The following RLN1 variants were observed in gnomAD, a reference collection of about 807,000 sequenced individuals.
RLN1 encodes the protein prorelaxin H1.
A neutral mutation model predicts 7.2 loss-of-function variants in RLN1; 4 were observed. The ratio of observed to expected loss-of-function variants is 0.56; its 90% confidence interval spans 0.28 to 1.28. The LOEUF (loss-of-function observed/expected upper bound fraction) is 1.28. Among genes scored for constraint, RLN1 ranks in the 50% most tolerant of loss-of-function variants. The pLI, the probability that RLN1 is intolerant of heterozygous loss-of-function variation, is 0.11. For missense variants in RLN1, 293 were observed against 221.1 expected (o/e 1.32, Z -2.06); for synonymous variants, 105 against 86.0 (o/e 1.22, Z -1.22).
At chr9:5,335,647 A>C in intron 1 of RLN1, 50 bp from the exon 2 acceptor site, 1 of 1,143,182 alleles carries the variant, frequency 8.7e-7, no homozygotes. Context: ...CACGTCAAAG[A>C]GCATTCAGAA....
chr9:5,339,387 T>TA, intron 1 of RLN1, 149 bp downstream of exon 1: 1 of 567,566 alleles, frequency 1.8e-6, no homozygotes, highest in Non-Finnish European at 3.0e-6. Flanking sequence ...GCCCAAACTT[T>TA]AGGGACCAGC....
chr9:5,335,170 TG>T lies in RLN1; in HGVS notation c.*80del. On this transcript the variant is annotated 3_prime_UTR_variant, in exon 2 of 2. Transcript: ENST00000223862. ...AGATTTCTTATATTCTAATAATTAG[TG>T]GGACCTGACAGAAGCATCAGTGAAA... 2.7e-6 allele frequency: 2 copies of T among 741,510 alleles called. No individual in the cohort carries two copies. Among genetic ancestry groups the T allele is most frequent in the Non-Finnish European group, 4.3e-6 (2 of 465,136 alleles). The allele number at this position is 741,510 out of a possible 1,614,324, so 45.9% of individuals were successfully genotyped here. A position where few individuals can be genotyped will look rare whatever the true frequency, so the allele number is the denominator to read the frequency against.
At chr9:5,337,490 G>A (rs925032786) in intron 1 of RLN1, among the ~76,000 whole-genome samples, 6 of 151,954 alleles carry the variant, frequency 3.9e-5, no homozygotes, top group Non-Finnish European at 7.4e-5. Context: ...TACTGAAATA[G>A]ATCTCTGGTT....
chr9:5,337,276 G>C (rs945177092), intron 1 of RLN1, among the ~76,000 whole-genome samples: 1 of 152,020 alleles, frequency 6.6e-6, no homozygotes, highest in African/African-American at 2.4e-5. Context: ...CCAGTTAAAT[G>C]AATCAGCCAA....
chr9:5,335,319 A>G lies in RLN1; in HGVS notation c.490T>C (p.Tyr164His). ...CAACATTTCTCAAACAGTGCCACGTAGGGTCGTCTCTTTTTTTGAGAATGA... is the reference window on the plus strand; with the variant it reads ...CAACATTTCTCAAACAGTGCCACGTGGGGTCGTCTCTTTTTTTGAGAATGA... The part of the protein sequence containing the change: ...DTHSQKKRRP[Y>H]VALFEKCCLI... Residue 164 changes from tyrosine (Y) to histidine (H), a missense_variant, in exon 2 of 2, where the codon TAC (tyrosine) becomes CAC (histidine). Coordinates refer to ENST00000223862, the MANE Select transcript of RLN1 (RefSeq NM_006911.4). 1 of 1,611,736 alleles carries G rather than the reference A, an allele frequency of 6.2e-7. No homozygotes were observed. Among genetic ancestry groups the G allele is most frequent in the Non-Finnish European group, 8.5e-7 (1 of 1,179,368 alleles).
At chr9:5,336,884 C>T (rs1395535969) in intron 1 of RLN1, among the ~76,000 whole-genome samples, 2 of 151,920 alleles carry the variant, frequency 1.3e-5, no homozygotes, top group African/African-American at 2.4e-5. Context: ...ACCTAGACAG[C>T]GGTAGTTCTG....
At chr9:5,340,711 C>G (rs1463870650), upstream of RLN1, among the ~76,000 whole-genome samples, 1 of 151,714 alleles carries the variant, frequency 6.6e-6, no homozygotes, top group Non-Finnish European at 1.5e-5. Flanking sequence ...TTACCACCAC[C>G]TAATTTAGCA....
At chr9:5,340,535 AAGAG>A (rs1816970651), upstream of RLN1, among the ~76,000 whole-genome samples, 1 of 152,114 alleles carries the variant, frequency 6.6e-6, no homozygotes, top group Admixed American at 6.5e-5. Context: ...GAGAGAGAGA[AAGAG>A]AGAGAGAAAA....
Position 5,335,519 on chromosome 9 carries a change from T to G in RLN1, c.290A>C (p.Glu97Ala). The change falls in exon 2 of 2, where the codon GAG becomes GCG. Residue 97 changes from glutamate to alanine, a missense_variant. By Grantham distance (107) the Glu-to-Ala change is moderately radical. Coordinates refer to ENST00000223862, the MANE Select transcript of RLN1 (RefSeq NM_006911.4). ...CCTCTCAGATAGGGCTGCCTTCAGC[T>G]CCGGTGGCAAATTAGCAATGAATTC... ...MLEFIANLPP[E>A]LKAALSERQP... 1 of 1,613,254 alleles carries G rather than the reference T, an allele frequency of 6.2e-7. No homozygotes were observed. The highest frequency in any genetic ancestry group is 8.5e-7 in the Non-Finnish European group (1 of 1,179,436).
Position 5,335,597 on chromosome 9 carries a change from T to A in RLN1, c.212A>T (p.Glu71Val), listed in dbSNP as rs753669766. Reference protein sequence around the residue: ...DAPQTPRPVAEIVPSFINKDT... With the variant: ...DAPQTPRPVAVIVPSFINKDT... ...TTTGTTGATGAAGGATGGTACAATT[T>A]CTGTTAAGTTTAAAAAAAAAGTGTA... Residue 71 changes from glutamate to valine, a missense_variant and splice_region_variant, in exon 2 of 2, where the codon GAA becomes GTA. Glu to Val is a moderately radical substitution (Grantham distance 121, BLOSUM62 -2). Coordinates refer to ENST00000223862, the MANE Select transcript of RLN1 (RefSeq NM_006911.4). 6.3e-7 allele frequency: 1 copy of A among 1,588,258 alleles called. No homozygotes were observed. The highest frequency in any genetic ancestry group is 1.1e-5 in the South Asian group (1 of 88,198).
chr9:5,335,395 A>T lies in RLN1; in HGVS notation c.414T>A (p.Ser138Arg). ...EFKKLIRNRQ[S>R]EAADSNPSEL... ...CTGAAGGATTGCTGTCTGCGGCTTC[A>T]CTTTGCCTATTGCGAATAAGTTTCT... Residue 138 changes from serine (S) to arginine (R), a missense_variant, in exon 2 of 2, where the codon AGT (serine) becomes AGA (arginine). Ser to Arg is a moderately radical substitution (Grantham distance 110). Coordinates refer to ENST00000223862, the MANE Select transcript of RLN1 (RefSeq NM_006911.4). The T allele has an allele frequency of 6.2e-7, 1 of 1,613,740 alleles. No individual in the cohort carries two copies. The highest frequency in any genetic ancestry group is 8.5e-7 in the Non-Finnish European group (1 of 1,179,804).
intron 1 of RLN1, among the ~76,000 whole-genome samples, chr9:5,337,696 A>AT: frequency 6.6e-6 from 1 of 152,140 alleles, no homozygotes; most frequent in South Asian, 2.1e-4. Flanking sequence ...AACGGTAAAC[A>AT]TTTATCTTAA....
chr9:5,336,468 C>G (rs1447196898), intron 1 of RLN1, among the ~76,000 whole-genome samples: 4 of 151,992 alleles, frequency 2.6e-5, no homozygotes, highest in African/African-American at 9.7e-5. Context: ...GCTGGACACC[C>G]AGCTGACATC....
chr9:5,337,992 C>G (rs991060231), intron 1 of RLN1, among the ~76,000 whole-genome samples: 2 of 151,572 alleles, frequency 1.3e-5, no homozygotes, highest in African/African-American at 4.9e-5. Flanking sequence ...TGAGAAACTG[C>G]TCAAAGTATA....
intron 1 of RLN1, among the ~76,000 whole-genome samples, chr9:5,336,596 T>C (rs1816899133): frequency 6.6e-6 from 1 of 152,092 alleles, no homozygotes; most frequent in South Asian, 2.1e-4. Flanking sequence ...GTCAAAAAAC[T>C]TACAGTGAGC....
chr9:5,339,520 G>A lies in RLN1; in HGVS notation c.211+16C>T, dbSNP rs1482462397. 6 of 1,523,534 alleles carry A rather than the reference G, an allele frequency of 3.9e-6. No individual in the cohort carries two copies. The highest frequency in any genetic ancestry group is 5.3e-6 in the Non-Finnish European group (6 of 1,129,708). 94.4% of individuals were successfully genotyped at this position (1,523,534 alleles called of 1,614,324 possible). ...TGGGAAGCGCGGGAAGGCCGGGAGG[G>A]GGCGGGAGCTCTCACCTGCCACTGG... On this transcript the variant is annotated intron_variant, in intron 1 of 1. Transcript: ENST00000223862.
intron 1 of RLN1, among the ~76,000 whole-genome samples, chr9:5,337,738 C>T (rs1369734115): frequency 6.6e-6 from 1 of 151,960 alleles, no homozygotes; most frequent in Non-Finnish European, 1.5e-5. Context: ...TCTGAGGTTA[C>T]TTTCAGTTAA....
chr9:5,335,252 C>T lies in RLN1; in HGVS notation c.557G>A (p.Ter186=), dbSNP rs749530743. 6 of 1,573,540 alleles carry T rather than the reference C, an allele frequency of 3.8e-6. No individual in the cohort carries two copies. In the Admixed American group the frequency reaches 1.1e-4, roughly 30 times the overall value. ...CTKRSLAKYC[*] Reference sequence around the variant, plus strand: ...AAGATGTGCACAATTAGCTTCATCTCAGCAATATTTAGCAAGAGACCTTTT... The same window carrying T: ...AAGATGTGCACAATTAGCTTCATCTTAGCAATATTTAGCAAGAGACCTTTT... The change falls in exon 2 of 2, where the codon TGA becomes TAA. Residue 186 remains the stop codon, a stop_retained_variant. Transcript: ENST00000223862.
intron 1 of RLN1, among the ~76,000 whole-genome samples, chr9:5,337,725 T>G (rs1423137829): frequency 2.0e-5 from 3 of 152,034 alleles, no homozygotes; most frequent in Non-Finnish European, 2.9e-5. Context: ...GCAGGCAATA[T>G]TTTCTGAGGT....
Sources: allele counts gnomAD v4.1 joint callset (sites outside exome capture counted in the v4.1 genomes callset), GRCh38; gene constraint gnomAD v4.1.1; transcripts MANE v1.5; gene names NCBI Gene and HGNC (gene_info 2026-07-23, HGNC 2026-07-21).